The following AMELY variants were observed in gnomAD, a reference collection of about 807,000 sequenced individuals.
AMELY encodes amelogenin Y-linked.
In AMELY, 4 loss-of-function variants were observed where a neutral mutation model predicts 4.2. The observed-to-expected ratio is 0.96, with a 90% CI of 0.47 to 2.19. The LOEUF (loss-of-function observed/expected upper bound fraction) is 2.19. Among genes scored for constraint, AMELY ranks in the 30% most tolerant of loss-of-function variants. AMELY has a pLI of 0.02. For missense variants in AMELY, 32 were observed against 41.5 expected (o/e 0.77, Z 0.63); for synonymous variants, 11 against 14.7 (o/e 0.75, Z 0.57).
intron 1 of AMELY, among the ~76,000 whole-genome samples, chrY:6,896,926 A>T (rs2054086463): frequency 3.0e-5 from 1 of 33,424 alleles, no homozygotes; most frequent in Non-Finnish European, 7.4e-5. Flanking sequence ...AGAAAAGGGT[A>T]GATGAATATG....
intron 1 of AMELY, among the ~76,000 whole-genome samples, chrY:6,886,740 C>T: frequency 6.0e-5 from 2 of 33,350 alleles, no homozygotes; most frequent in Admixed American, 5.6e-4. Context: ...ACTTGTAATA[C>T]CATTAAGAAT....
chrY:6,879,120 G>C, intron 1 of AMELY, among the ~76,000 whole-genome samples: 2 of 32,647 alleles, frequency 6.1e-5, no homozygotes, highest in Non-Finnish European at 1.5e-4. Flanking sequence ...TTCCACAATG[G>C]TTGAACTAGT....
intron 1 of AMELY, among the ~76,000 whole-genome samples, chrY:6,884,205 C>G: frequency 3.6e-5 from 1 of 27,919 alleles, no homozygotes; most frequent in African/African-American, 1.4e-4. Context: ...ACTGCATGTT[C>G]TCACTCATAA....
chrY:6,892,492 G>A (rs1277101368), intron 1 of AMELY, among the ~76,000 whole-genome samples: 1 of 33,398 alleles, frequency 3.0e-5, no homozygotes, highest in Non-Finnish European at 7.4e-5. Flanking sequence ...GCTCTCTGGT[G>A]TATGGTGTGC....
intron 1 of AMELY, among the ~76,000 whole-genome samples, chrY:6,909,655 C>T (rs2011677808): frequency 3.0e-5 from 1 of 33,006 alleles, no homozygotes; most frequent in African/African-American, 1.2e-4. Flanking sequence ...CAATATTTCG[C>T]AGGGTAATTT....
At chrY:6,867,618 T>G (rs2054062915) in intron 6 of AMELY, among the ~76,000 whole-genome samples, 1 of 32,967 alleles carries the variant, frequency 3.0e-5, no homozygotes, top group African/African-American at 1.2e-4. Context: ...ATATATGCAC[T>G]CTAAAAATTA....
chrY:6,903,574 G>T, intron 1 of AMELY, among the ~76,000 whole-genome samples: 2 of 33,546 alleles, frequency 6.0e-5, no homozygotes, highest in Admixed American at 5.4e-4. Flanking sequence ...CATTGTAATT[G>T]TGGCTTCAAA....
At chrY:6,877,833 G>A (rs1569361201) in intron 1 of AMELY, among the ~76,000 whole-genome samples, 6 of 32,927 alleles carry the variant, frequency 1.8e-4, no homozygotes, top group African/African-American at 4.8e-4. Context: ...TCACCATAAC[G>A]TCAACTAATA....
chrY:6,903,519 T>C, intron 1 of AMELY, among the ~76,000 whole-genome samples: 1 of 33,104 alleles, frequency 3.0e-5, no homozygotes, highest in African/African-American at 1.2e-4. Context: ...CATGGCCTTC[T>C]GGAGAACTTT....
intron 1 of AMELY, among the ~76,000 whole-genome samples, chrY:6,899,736 A>G (rs1603023074): frequency 3.3e-5 from 1 of 30,660 alleles, no homozygotes; most frequent in Non-Finnish European, 7.8e-5. Flanking sequence ...TCCGTCTCAA[A>G]AAAAAGGAAA....
Position 6,904,710 on chromosome Y carries a change from A to G in AMELY, c.-113+6963T>C, listed in dbSNP as rs779272458. Among the ~76,000 whole-genome samples, 4 of 33,177 alleles carry G rather than the reference A, an allele frequency of 1.2e-4. No individual in the cohort carries two copies. In the South Asian group the frequency reaches 2.8e-3, roughly 23 times the overall value. 89.0% of individuals were successfully genotyped at this position (33,177 alleles called of 37,273 possible). A position where few individuals can be genotyped will look rare whatever the true frequency, so the allele number is the denominator to read the frequency against. ...TGCTCTCACGACCTACTACAGCCCA[A>G]TCACATATATACCACCTCCATTTGA... On this transcript the variant is annotated intron_variant, in intron 1 of 6. Coordinates refer to ENST00000651267, the MANE Select transcript of AMELY (RefSeq NM_001143.2).
chrY:6,879,288 A>G, intron 1 of AMELY, among the ~76,000 whole-genome samples: 1 of 33,690 alleles, frequency 3.0e-5, no homozygotes, highest in East Asian at 7.7e-4. Context: ...AGTGATCATG[A>G]GCATTTTTTC....
chrY:6,894,817 TA>T (rs2054085315), intron 1 of AMELY, among the ~76,000 whole-genome samples: 1 of 33,804 alleles, frequency 3.0e-5, no homozygotes, highest in Non-Finnish European at 7.3e-5. Flanking sequence ...CAGCCATAGA[TA>T]TACTGCATAC....
intron 3 of AMELY, among the ~76,000 whole-genome samples, chrY:6,871,315 T>A (rs772621481): frequency 3.0e-5 from 1 of 33,166 alleles, no homozygotes; most frequent in African/African-American, 1.2e-4. Flanking sequence ...TTTATGCACC[T>A]GTGTCCAGAC....
intron 1 of AMELY, among the ~76,000 whole-genome samples, chrY:6,882,867 G>A: frequency 3.0e-5 from 1 of 33,755 alleles, no homozygotes. Context: ...CTGGTCATTA[G>A]AGAGATGCAA....
intron 1 of AMELY, among the ~76,000 whole-genome samples, chrY:6,887,526 C>G (rs1028624876): frequency 3.1e-5 from 1 of 31,926 alleles, no homozygotes; most frequent in African/African-American, 1.2e-4. Flanking sequence ...GGGTGTTATT[C>G]TTTTTTTTTC....
In AMELY at chrY:6,896,615, T is replaced by G. The variant is rs765465045; in HGVS notation, c.-113+15058A>C. ...CTTCAAGAGGCCAAGGTGGGAGGAT[T>G]GCTTAAGCCCTTGAGTTCAAGATCA... is the stretch of plus-strand genomic sequence containing the variant. On this transcript the variant is annotated intron_variant, in intron 1 of 6. Transcript: ENST00000651267. Among the ~76,000 whole-genome samples, 6 of 33,389 alleles carry G rather than the reference T, an allele frequency of 1.8e-4. No individual in the cohort carries two copies. In the South Asian group the frequency reaches 4.1e-3, roughly 23 times the overall value. 89.6% of individuals were successfully genotyped at this position (33,389 alleles called of 37,273 possible). A position where few individuals can be genotyped will look rare whatever the true frequency, so the allele number is the denominator to read the frequency against.
At chrY:6,869,428 TAGTTA>T (rs2054065711) in intron 4 of AMELY, among the ~76,000 whole-genome samples, 4 of 33,479 alleles carry the variant, frequency 1.2e-4, no homozygotes, top group African/African-American at 4.6e-4. Context: ...TATACACACT[TAGTTA>T]ACCTTAGGTT....
At chrY:6,903,830 T>G in intron 1 of AMELY, among the ~76,000 whole-genome samples, 3 of 33,852 alleles carry the variant, frequency 8.9e-5, no homozygotes, top group Non-Finnish European at 2.2e-4. Flanking sequence ...TCTATTCCAG[T>G]GAGGACAAAT....
Sources: allele counts gnomAD v4.1 joint callset (sites outside exome capture counted in the v4.1 genomes callset), GRCh38; gene constraint gnomAD v4.1.1; transcripts MANE v1.5; gene names NCBI Gene and HGNC (gene_info 2026-07-23, HGNC 2026-07-21).